The following RELN variants were observed in gnomAD, a reference collection of about 807,000 sequenced individuals.
RELN encodes reelin.
Under a neutral mutation model 427.6 loss-of-function variants are expected in RELN, and 108 were observed. The ratio of observed to expected loss-of-function variants is 0.25; its 90% CI spans 0.22 to 0.30. The LOEUF is 0.30. RELN is among the 10% of genes least tolerant of loss of function. RELN has a pLI of 1.00. For synonymous variants in RELN, 1,524 were observed against 1,513.4 expected (o/e 1.01, Z -0.16); for missense variants, 3,715 against 4,302.8 (o/e 0.86, Z 3.82).
intron 1 of RELN, among the ~76,000 whole-genome samples, chr7:103,956,726 G>C (rs193104146): frequency 6.6e-6 from 1 of 152,296 alleles, no homozygotes; most frequent in East Asian, 1.9e-4. Context: ...TTTCAATGTA[G>C]ACTTGAAAAG....
chr7:103,640,684 A>C lies in RELN; in HGVS notation c.2003-75T>G. ...AGTACAATTTTGTGAAGTAATACTC[A>C]TGAAATATGGCCCCTTGTGTGTATG... On this transcript the variant is annotated intron_variant, in intron 16 of 64. Transcript: ENST00000428762. This position sits in a 1 kb window ranked among gnomAD's most constrained non-coding sequence, Gnocchi z 4.1. 1.6e-4 allele frequency: 235 copies of C among 1,432,962 alleles called. No homozygotes were observed. The highest frequency in any genetic ancestry group is 2.1e-4 in the Non-Finnish European group (213 of 1,028,222). The allele number at this position is 1,432,962 out of a possible 1,614,324, so 88.8% of individuals were successfully genotyped here. A position where few individuals can be genotyped will look rare whatever the true frequency, so the allele number is the denominator to read the frequency against.
At chr7:103,921,675 A>G (rs989364626) in intron 1 of RELN, among the ~76,000 whole-genome samples, 1 of 152,162 alleles carries the variant, frequency 6.6e-6, no homozygotes, top group Non-Finnish European at 1.5e-5. Context: ...ATAGATTAAA[A>G]CCCTAAATCT....
Position 103,519,582 on chromosome 7 carries a change from A to G in RELN, c.7669-66T>C. On this transcript the variant is annotated intron_variant, in intron 48 of 64. Coordinates refer to ENST00000428762, the MANE Select transcript of RELN (RefSeq NM_005045.4). ...CTCGATTGCAGATTATAGATTTTCT[A>G]TGGATTTTTTTTTTTTTTGAGACAG... 3 of 1,251,278 alleles carry G rather than the reference A, an allele frequency of 2.4e-6. No individual in the cohort carries two copies. The South Asian group carries it at 4.0e-5, about 17-fold the overall frequency. The allele number at this position is 1,251,278 out of a possible 1,614,324, so 77.5% of individuals were successfully genotyped here.
At chr7:103,473,790 T>G (rs1827939096) in intron 64 of RELN, among the ~76,000 whole-genome samples, 1 of 152,210 alleles carries the variant, frequency 6.6e-6, no homozygotes, top group East Asian at 1.9e-4. Context: ...AAGGATCATA[T>G]TCTCACACTG....
At chr7:103,715,769 C>T (rs1296269654) in intron 8 of RELN, among the ~76,000 whole-genome samples, 1 of 152,212 alleles carries the variant, frequency 6.6e-6, no homozygotes, top group African/African-American at 2.4e-5. Context: ...AAGCCACATT[C>T]CAACCACTTC....
At chr7:103,542,177 A>G (rs1290162797) in intron 43 of RELN, among the ~76,000 whole-genome samples, 1 of 152,228 alleles carries the variant, frequency 6.6e-6, no homozygotes, top group Non-Finnish European at 1.5e-5. Flanking sequence ...ACTGTGTTCA[A>G]TTTAGAAAAT....
intron 51 of RELN, among the ~76,000 whole-genome samples, chr7:103,505,303 C>G (rs1562858653): frequency 6.6e-6 from 1 of 152,178 alleles, no homozygotes; most frequent in Non-Finnish European, 1.5e-5. Flanking sequence ...CCGACAGACA[C>G]CTCATACAGG....
rs576126957 is a variant in RELN, at chr7:103,577,436, G to C, written c.4146-1731C>G. On this transcript the variant is annotated intron_variant, in intron 28 of 64. Transcript: ENST00000428762. ...ACGTAAGCCCCAAGCCCCCGTTTCA[G>C]TGTAAGAGGAAGGTGAACATACAAA... Among the ~76,000 whole-genome samples, 6 of 152,124 alleles carry C rather than the reference G, an allele frequency of 3.9e-5. No individual in the cohort carries two copies. In the South Asian group the frequency reaches 6.2e-4, roughly 16 times the overall value.
At position 103,733,579 on chromosome 7, in the gene RELN, G is replaced by T. The variant is rs181516082; in HGVS notation, c.657-5372C>A. On this transcript the variant is annotated intron_variant, in intron 6 of 64. Transcript: ENST00000428762. Reference sequence around the variant, plus strand: ...TGACAGACTGGATTAAGAAAATGTGGCACATATACACCATGGAATACTATG... The same window carrying T: ...TGACAGACTGGATTAAGAAAATGTGTCACATATACACCATGGAATACTATG... Among the ~76,000 whole-genome samples the T allele has an allele frequency of 2.2e-3, 318 of 146,370 alleles. 4 individuals carry two copies. The East Asian group carries it at 0.036, about 16-fold the overall frequency.
intron 2 of RELN, among the ~76,000 whole-genome samples, chr7:103,840,315 G>C (rs1031017065): frequency 1.3e-5 from 2 of 152,120 alleles, no homozygotes; most frequent in African/African-American, 2.4e-5. Context: ...ACTGGAACTG[G>C]GTCTTAAAGA....
chr7:103,718,791 C>T (rs2115886211), intron 8 of RELN, among the ~76,000 whole-genome samples: 1 of 152,292 alleles, frequency 6.6e-6, no homozygotes. Flanking sequence ...GCAAGCCAAA[C>T]TATTTATTCT....
intron 9 of RELN, among the ~76,000 whole-genome samples, chr7:103,699,713 G>T (rs1834052559): frequency 6.6e-6 from 1 of 151,930 alleles, no homozygotes; most frequent in South Asian, 2.1e-4. Context: ...ATGCTTCTTT[G>T]TTTAAAGCCA....
At position 103,989,334 on chromosome 7, in the gene RELN, C is replaced by G. The variant is rs765261158; in HGVS notation, c.23G>C (p.Arg8Pro). The G allele has an allele frequency of 1.3e-6, 2 of 1,564,958 alleles. No individual in the cohort carries two copies. Among genetic ancestry groups the G allele is most frequent in the Non-Finnish European group, 1.7e-6 (2 of 1,154,022 alleles). MERSGWARQTFLLALLLG... is the reference protein window; with the variant it reads MERSGWAPQTFLLALLLG... Reference sequence around the variant, plus strand: ...CAACAGCGCTAGGAGGAAAGTCTGCCGGGCCCAGCCACTGCGCTCCATGCC... The same window carrying G: ...CAACAGCGCTAGGAGGAAAGTCTGCGGGGCCCAGCCACTGCGCTCCATGCC... Residue 8 changes from arginine (R) to proline (P), a missense_variant, in exon 1 of 65, where the codon CGG becomes CCG. Physicochemically the swap from Arg to Pro is moderately radical, Grantham distance 103. Around this residue, in one of 4 missense-constraint regions of RELN, gnomAD observed 2,208 missense variants for 2,361.7 expected, o/e 0.93. Coordinates refer to ENST00000428762, the MANE Select transcript of RELN (RefSeq NM_005045.4). The surrounding 1 kb of genome is among the most constrained non-coding windows in gnomAD (Gnocchi z 4.9).
At chr7:103,606,853 C>G (rs1257498478) in intron 22 of RELN, among the ~76,000 whole-genome samples, 5 of 151,978 alleles carry the variant, frequency 3.3e-5, no homozygotes, top group Non-Finnish European at 1.5e-5. Flanking sequence ...AAACCACAAT[C>G]CGGTATGTGA....
chr7:103,652,419 G>C (rs1832937736), intron 14 of RELN, 132 bp downstream of exon 14: 1 of 726,220 alleles, frequency 1.4e-6, no homozygotes, highest in South Asian at 1.7e-5. Context: ...TTTGGCAAAA[G>C]TGTGTTATTT....
At chr7:103,795,507 T>C (rs187957274) in intron 3 of RELN, among the ~76,000 whole-genome samples, 1 of 152,322 alleles carries the variant, frequency 6.6e-6, no homozygotes, top group Admixed American at 6.5e-5. Context: ...AAGAACTTCC[T>C]AACAGAGCAA....
rs1366190917 is a variant in RELN at position 103,489,880 on chromosome 7, T to C, written c.9625A>G (p.Ile3209Val). 6.2e-7 allele frequency: 1 copy of C among 1,614,046 alleles called. No homozygotes were observed. Among genetic ancestry groups the C allele is most frequent in the East Asian group, 2.2e-5 (1 of 44,886 alleles). The change falls in exon 60 of 65, where the codon ATC (isoleucine) becomes GTC (valine). Residue 3209 changes from isoleucine (I) to valine (V), a missense_variant. This residue lies in a region of RELN where 1,310 missense variants were observed against 1,643.0 expected (regional missense o/e 0.80). Transcript: ENST00000428762. ...VSSSATQFRW[I>V]QKGEETEKQS... ...TTCTCAGTTTCTTCTCCCTTCTGGA[T>C]CCAGCGGAACTGTGTTGCACTGAAA... is the stretch of plus-strand genomic sequence containing the variant.
chr7:103,769,922 C>T (rs760290643), intron 4 of RELN, among the ~76,000 whole-genome samples: 1 of 152,176 alleles, frequency 6.6e-6, no homozygotes, highest in Non-Finnish European at 1.5e-5. Flanking sequence ...TCAATTACAG[C>T]AGTAGCCTTG....
chr7:103,510,942 C>G lies in RELN; in HGVS notation c.8183G>C (p.Gly2728Ala), dbSNP rs757194948. The change falls in exon 51 of 65, where the codon GGT (glycine) becomes GCT (alanine). Residue 2728 changes from glycine to alanine, a missense_variant. By Grantham distance (60) the Gly-to-Ala change is moderately conservative. Around this residue, in one of 4 missense-constraint regions of RELN, gnomAD observed 1,310 missense variants for 1,643.0 expected, o/e 0.80. Coordinates refer to ENST00000428762, the MANE Select transcript of RELN (RefSeq NM_005045.4). ...TVERFCDSPD[G>A]VMLCGSHDGR... The stretch of plus-strand genomic sequence containing the variant: ...ATCATGACTGCCACAGAGCATCACA[C>G]CATCAGGGGAGTCACAGAATCTTTC... 28 of 1,612,218 alleles carry G rather than the reference C, an allele frequency of 1.7e-5. No individual in the cohort carries two copies. Among genetic ancestry groups the G allele is most frequent in the Non-Finnish European group, 2.3e-5 (27 of 1,178,322 alleles).
Sources: allele counts gnomAD v4.1 joint callset (sites outside exome capture counted in the v4.1 genomes callset), GRCh38; gene constraint gnomAD v4.1.1; regional missense constraint gnomAD v4.1.1; non-coding constraint Gnocchi (gnomAD v3.1); transcripts MANE v1.5; gene names NCBI Gene and HGNC (gene_info 2026-07-23, HGNC 2026-07-21).